The following TUBB8 variants were observed in gnomAD, a reference collection of about 807,000 sequenced individuals.
TUBB8 encodes the protein tubulin beta 8 class VIII.
Under a neutral mutation model 33.7 loss-of-function variants are expected in TUBB8, and 25 were observed. The observed-to-expected ratio is 0.74, with a 90% CI of 0.54 to 1.04. TUBB8 has a LOEUF of 1.04. TUBB8 is among the 50% of genes least tolerant of loss of function. The pLI, the probability that TUBB8 is intolerant of heterozygous loss-of-function variation, is 0.00. For missense variants in TUBB8, 279 were observed against 608.0 expected (o/e 0.46, Z 5.69); for synonymous variants, 245 against 240.1 (o/e 1.02, Z -0.19).
At chr10:73,207 T>C (rs1299574338) in intron 1 of TUBB8, among the ~76,000 whole-genome samples, 3 of 152,270 alleles carry the variant, frequency 2.0e-5, no homozygotes, top group African/African-American at 7.2e-5. Context: ...TTTTTGGTTT[T>C]GTTTTCATTT....
intron 1 of TUBB8, among the ~76,000 whole-genome samples, chr10:69,177 G>A (rs1834706827): frequency 6.6e-6 from 1 of 152,216 alleles, no homozygotes; most frequent in African/African-American, 2.4e-5. Context: ...CTTAGAACAA[G>A]GACCACAGGA....
chr10:59,779 A>G (rs1834574750), intron 1 of TUBB8, among the ~76,000 whole-genome samples: 3 of 152,190 alleles, frequency 2.0e-5, no homozygotes, highest in Non-Finnish European at 1.5e-5. Flanking sequence ...TCCTATAGAC[A>G]TTTTTTTATT....
chr10:66,970 C>G (rs1229268560), intron 1 of TUBB8, among the ~76,000 whole-genome samples: 2 of 151,910 alleles, frequency 1.3e-5, no homozygotes, highest in Admixed American at 6.6e-5. Flanking sequence ...GAGATCCTGT[C>G]TCAAAAAAAT....
At position 73,017 on chromosome 10, in the gene TUBB8, A is replaced by G. The variant is rs1234548391; in HGVS notation, c.-846+952T>C. On this transcript the variant is annotated intron_variant, in intron 1 of 3. Coordinates refer to the TUBB8 transcript ENST00000564130. ...TTAGTGACTTTCTTCAATTAATTTT[A>G]TGGTATCATGTCAAAGCTTGATATA... Among the ~76,000 whole-genome samples, 5 of 152,194 alleles carry G rather than the reference A, an allele frequency of 3.3e-5. No homozygotes were observed. In the East Asian group the frequency reaches 9.6e-4, roughly 29 times the overall value.
upstream of TUBB8, among the ~76,000 whole-genome samples, chr10:76,402 C>T (rs1834815001): frequency 6.6e-6 from 1 of 152,042 alleles, no homozygotes; most frequent in African/African-American, 2.4e-5. Flanking sequence ...TACAAATGGC[C>T]AGACGGGAAA....
At chr10:66,170 A>G (rs1240101430) in intron 1 of TUBB8, among the ~76,000 whole-genome samples, 1 of 152,256 alleles carries the variant, frequency 6.6e-6, no homozygotes, top group Non-Finnish European at 1.5e-5. Flanking sequence ...AAGAGAACTT[A>G]TATGTGTTAG....
intron 1 of TUBB8, among the ~76,000 whole-genome samples, chr10:54,888 G>C (rs1446160682): frequency 6.6e-6 from 1 of 152,150 alleles, no homozygotes; most frequent in African/African-American, 2.4e-5. Context: ...CTCTTGAGTA[G>C]CTGGGATTAC....
At chr10:52,755 C>T (rs371227912), upstream of TUBB8, among the ~76,000 whole-genome samples, 2 of 152,220 alleles carry the variant, frequency 1.3e-5, no homozygotes, top group Admixed American at 6.5e-5. Flanking sequence ...CAATTGTAAT[C>T]TGTGGCCAGT....
rs1834635691 is a variant in TUBB8 at position 64,057 on chromosome 10, G to A, written c.-846+9912C>T. On this transcript the variant is annotated intron_variant, in intron 1 of 3. Transcript: ENST00000564130. ...AAGAAAAATTCTCTTAATTTTTCAAGTAGAGATCTTGTTCTCTTCCCTTTC... is the reference window on the plus strand; with the variant it reads ...AAGAAAAATTCTCTTAATTTTTCAAATAGAGATCTTGTTCTCTTCCCTTTC... Among the ~76,000 whole-genome samples the A allele has an allele frequency of 2.0e-5, 3 of 152,198 alleles. No individual in the cohort carries two copies. The South Asian group carries it at 6.2e-4, about 32-fold the overall frequency.
chr10:74,299 A>AGACC (rs1176576442), upstream of TUBB8: 8 of 151,576 alleles, frequency 5.3e-5, no homozygotes, highest in African/African-American at 1.7e-4. Context: ...ACTGAACTGG[A>AGACC]GACCACCATC....
At chr10:62,147 T>A (rs1358614603) in intron 1 of TUBB8, among the ~76,000 whole-genome samples, 21 of 152,336 alleles carry the variant, frequency 1.4e-4, no homozygotes, top group African/African-American at 5.0e-4. Flanking sequence ...GTTTTCTGAT[T>A]GACTTTTGTC....
chr10:54,210 G>A (rs549203176), upstream of TUBB8, among the ~76,000 whole-genome samples: 1 of 151,884 alleles, frequency 6.6e-6, no homozygotes, highest in South Asian at 2.1e-4. Flanking sequence ...CCAGCCTCTG[G>A]TAACCAACCT....
At chr10:49,595 C>T (rs1834439321), upstream of TUBB8, 2 of 528,460 alleles carry the variant, frequency 3.8e-6, no homozygotes, top group Non-Finnish European at 7.3e-6. Context: ...TCCATATGCA[C>T]GGAGTGCCTT....
chr10:47,268 T>C lies in TUBB8; in HGVS notation c.1124A>G (p.Gln375Arg), dbSNP rs782272197. 4 of 1,613,856 alleles carry C rather than the reference T, an allele frequency of 2.5e-6. No homozygotes were observed. Among genetic ancestry groups the C allele is most frequent in the Non-Finnish European group, 3.4e-6 (4 of 1,180,000 alleles). The change falls in exon 4 of 4, where the codon CAG becomes CGG. Residue 375 changes from glutamine to arginine, a missense_variant. Transcript: ENST00000568584. ...CTCTGAGACACGCTTGAAGAGTTCC[T>C]GGATGGCCGTATTATTCCCAATGAA... ...ATFIGNNTAI[Q>R]ELFKRVSEQF...
At chr10:69,707 C>G (rs1408165215) in intron 1 of TUBB8, among the ~76,000 whole-genome samples, 4 of 152,176 alleles carry the variant, frequency 2.6e-5, no homozygotes, top group African/African-American at 9.6e-5. Flanking sequence ...CCAGCCTGGG[C>G]AACATGGCAA....
At position 47,040 on chromosome 10, in the gene TUBB8, C is replaced by A. The variant is rs782403204; in HGVS notation, c.*17G>T. On this transcript the variant is annotated 3_prime_UTR_variant, in exon 4 of 4. Coordinates refer to ENST00000568584, the MANE Select transcript of TUBB8 (RefSeq NM_177987.3). ...GAATCCACACTGCTTCCCCCCTTTA[C>A]CTAGAAAAGGAGAGTTCTAGGCCAC... 15 of 810,508 alleles carry A rather than the reference C, an allele frequency of 1.9e-5. No individual in the cohort carries two copies. The African/African-American group carries it at 2.6e-4, about 14-fold the overall frequency. The allele number at this position is 810,508 out of a possible 1,614,324, so 50.2% of individuals were successfully genotyped here. A position where few individuals can be genotyped will look rare whatever the true frequency, so the allele number is the denominator to read the frequency against.
upstream of TUBB8, among the ~76,000 whole-genome samples, chr10:74,379 T>C (rs1464449490): frequency 1.3e-5 from 2 of 150,884 alleles, no homozygotes; most frequent in South Asian, 2.1e-4. Flanking sequence ...GTAATCCCAG[T>C]ACTTTGGGAG....
rs545289800 is a variant in TUBB8, at chr10:48,959, G to T, written c.58-47C>A. The T allele has an allele frequency of 4.3e-6, 6 of 1,395,776 alleles. No homozygotes were observed. The South Asian group carries it at 7.4e-5, about 17-fold the overall frequency. 86.5% of individuals were successfully genotyped at this position (1,395,776 alleles called of 1,614,324 possible). A position where few individuals can be genotyped will look rare whatever the true frequency, so the allele number is the denominator to read the frequency against. The stretch of plus-strand genomic sequence containing the variant: ...AGACAGGCCGGGGCTGAGTCAGGGA[G>T]GCGCCCCAGCCGCTCTCCCACCCCC... On this transcript the variant is annotated intron_variant, in intron 1 of 3. Transcript: ENST00000568584.
intron 1 of TUBB8, among the ~76,000 whole-genome samples, chr10:63,857 TC>T (rs1834632932): frequency 6.6e-6 from 1 of 152,110 alleles, no homozygotes; most frequent in African/African-American, 2.4e-5. Context: ...TAGATGTTCA[TC>T]TATATCTGGG....
Sources: allele counts gnomAD v4.1 joint callset (sites outside exome capture counted in the v4.1 genomes callset), GRCh38; gene constraint gnomAD v4.1.1; transcripts MANE v1.5; gene names NCBI Gene and HGNC (gene_info 2026-07-23, HGNC 2026-07-21).